Variants in NKD1 observed in about 807,000 individuals in gnomAD.
NKD1 encodes the protein NKD inhibitor of Wnt signaling pathway 1.
Under a neutral mutation model 56.0 loss-of-function variants are expected in NKD1, and 21 were observed. The observed-to-expected ratio is 0.38, with a 90% confidence interval of 0.27 to 0.54. The LOEUF (loss-of-function observed/expected upper bound fraction) is 0.54. NKD1 is among the 20% of genes least tolerant of loss of function. NKD1 has a pLI of 0.82. For missense variants in NKD1, 578 were observed against 642.7 expected (o/e 0.90, Z 1.09); for synonymous variants, 263 against 265.7 (o/e 0.99, Z 0.10).
chr16:50,569,621 A>G (rs899251866), intron 3 of NKD1, among the ~76,000 whole-genome samples: 2 of 152,228 alleles, frequency 1.3e-5, no homozygotes, highest in Admixed American at 1.3e-4. Flanking sequence ...AATAGAACCC[A>G]TATCCCAGGA....
chr16:50,562,983 A>ACCCC (rs1483596865), intron 3 of NKD1, among the ~76,000 whole-genome samples: 4,850 of 53,278 alleles, frequency 0.091, 144 homozygotes, highest in Admixed American at 0.12. Flanking sequence ...AGGTCCCACC[A>ACCCC]CCACCCCCCC....
At chr16:50,583,661 G>A (rs889490883) in intron 3 of NKD1, among the ~76,000 whole-genome samples, 10 of 152,204 alleles carry the variant, frequency 6.6e-5, no homozygotes, top group Non-Finnish European at 1.2e-4. Context: ...ACACAGAGGT[G>A]TAGCTTCATG....
chr16:50,572,751 C>T (rs530315034), intron 3 of NKD1, among the ~76,000 whole-genome samples: 2 of 152,252 alleles, frequency 1.3e-5, no homozygotes, highest in East Asian at 1.9e-4. Flanking sequence ...GGGTGCAGCA[C>T]GGTGTCCGGG....
rs113781207 is a variant in NKD1 at position 50,630,930 on chromosome 16, A to G, written c.695+20A>G. ...GCTCAGGTATGTGGGCATGGTGCAC[A>G]TGAGCATATGTTGAGCACCAGCTGT... is the stretch of plus-strand genomic sequence containing the variant. On this transcript the variant is annotated intron_variant, in intron 8 of 9. Transcript: ENST00000268459. 7 of 1,554,196 alleles carry G rather than the reference A, an allele frequency of 4.5e-6. No individual in the cohort carries two copies. Among genetic ancestry groups the G allele is most frequent in the East Asian group, 2.4e-5 (1 of 42,250 alleles).
At chr16:50,601,357 G>T (rs1421677688) in intron 3 of NKD1, among the ~76,000 whole-genome samples, 5 of 152,098 alleles carry the variant, frequency 3.3e-5, no homozygotes, top group Admixed American at 1.3e-4. Context: ...CCGTTTAGTG[G>T]CTTCTGTGAC....
chr16:50,558,193 C>T (rs1754684916), intron 3 of NKD1: 1 of 152,210 alleles, frequency 6.6e-6, no homozygotes, highest in Non-Finnish European at 1.5e-5. Context: ...TTAGAAAACA[C>T]CTTCTTTGGG....
At chr16:50,617,346 G>A (rs192800759) in intron 4 of NKD1, among the ~76,000 whole-genome samples, 13 of 148,322 alleles carry the variant, frequency 8.8e-5, no homozygotes, top group East Asian at 1.9e-4. Flanking sequence ...TGATCTCAGC[G>A]GAGGAAAAAA....
Position 50,633,615 on chromosome 16 carries a change from T to C in NKD1, c.1247T>C (p.Leu416Pro). 3 of 1,610,252 alleles carry C rather than the reference T, an allele frequency of 1.9e-6. No homozygotes were observed. Among genetic ancestry groups the C allele is most frequent in the Non-Finnish European group, 2.5e-6 (3 of 1,178,948 alleles). ...AKESQQGCRG[L>P]QAPLASGGPV... The stretch of plus-strand genomic sequence containing the variant: ...GAGAGCCAGCAGGGCTGCCGGGGCC[T>C]GCAGGCACCACTGGCCTCAGGTGGC... The change falls in exon 10 of 10, where the codon CTG (leucine) becomes CCG (proline). Residue 416 changes from leucine (L) to proline (P), a missense_variant. Transcript: ENST00000268459. The surrounding 1 kb of genome is among the most constrained non-coding windows in gnomAD (Gnocchi z 4.9).
intron 3 of NKD1, chr16:50,607,317 GT>G (rs201899085): frequency 1.5e-4 from 29 of 198,518 alleles, no homozygotes; most frequent in Middle Eastern, 2.1e-3. Flanking sequence ...AAGAGGACTG[GT>G]TTTTTTTTAA....
At position 50,579,720 on chromosome 16, in the gene NKD1, C is replaced by T. The variant is rs538610904; in HGVS notation, c.193-28574C>T. ...ACTCCTGCGGGCTACCCGCTACACA[C>T]GCACTCTAACCCGCCACGCATGCAC... On this transcript the variant is annotated intron_variant, in intron 3 of 9. Transcript: ENST00000268459. Among the ~76,000 whole-genome samples the T allele has an allele frequency of 3.3e-5, 5 of 149,468 alleles. No homozygotes were observed. In the East Asian group the frequency reaches 6.1e-4, roughly 18 times the overall value.
chr16:50,589,479 G>A (rs970001204), intron 3 of NKD1, among the ~76,000 whole-genome samples: 1 of 152,138 alleles, frequency 6.6e-6, no homozygotes, highest in African/African-American at 2.4e-5. Context: ...GAAGCTCTGG[G>A]CAGCTGGCAC....
intron 3 of NKD1, among the ~76,000 whole-genome samples, chr16:50,580,022 C>T (rs550578373): frequency 6.6e-5 from 10 of 151,792 alleles, no homozygotes; most frequent in Non-Finnish European, 1.0e-4. Flanking sequence ...CTCTCAGTCC[C>T]ACAGGCTACC....
At chr16:50,563,009 G>C (rs1042704612) in intron 3 of NKD1, among the ~76,000 whole-genome samples, 4 of 104,122 alleles carry the variant, frequency 3.8e-5, no homozygotes, top group African/African-American at 2.0e-4. Flanking sequence ...GCCGTAGAAT[G>C]GGTAGAAGAA....
chr16:50,548,672 C>T (rs1263916843), intron 1 of NKD1, 45 bp from the exon 2 acceptor site: 27 of 1,463,952 alleles, frequency 1.8e-5, no homozygotes, highest in Admixed American at 2.6e-5. Flanking sequence ...CTTCTCCCGC[C>T]GCCGCGGCTG....
chr16:50,556,963 T>G (rs1960518058), intron 3 of NKD1: 1 of 152,160 alleles, frequency 6.6e-6, no homozygotes, highest in Admixed American at 6.5e-5. Flanking sequence ...GAGTTTCGTG[T>G]GCAGGTTATT....
rs764838328 is a variant in NKD1, at chr16:50,630,168, C to T, written c.463-18C>T. On this transcript the variant is annotated intron_variant, in intron 6 of 9. Coordinates refer to ENST00000268459, the MANE Select transcript of NKD1 (RefSeq NM_033119.5). Reference sequence around the variant, plus strand: ...GTGACTGAAACCCTGCATGGGTCTCCGCTTCCCTCCCATTCAGGACATCAC... The same window carrying T: ...GTGACTGAAACCCTGCATGGGTCTCTGCTTCCCTCCCATTCAGGACATCAC... 4.4e-5 allele frequency: 71 copies of T among 1,612,424 alleles called. No individual in the cohort carries two copies. Among genetic ancestry groups the T allele is most frequent in the East Asian group, 6.7e-5 (3 of 44,860 alleles).
chr16:50,605,442 G>A (rs911050034), intron 3 of NKD1, among the ~76,000 whole-genome samples: 1 of 152,146 alleles, frequency 6.6e-6, no homozygotes, highest in Non-Finnish European at 1.5e-5. Flanking sequence ...TGATTCAGGG[G>A]GCTAATAAAT....
chr16:50,619,721 CT>C (rs1162417199), intron 4 of NKD1, among the ~76,000 whole-genome samples: 2 of 152,294 alleles, frequency 1.3e-5, no homozygotes, highest in African/African-American at 4.8e-5. Context: ...TAAGAATCCT[CT>C]GGGGAAGGGG....
Position 50,633,697 on chromosome 16 carries a change from C to T in NKD1, c.1329C>T (p.Ser443=). 1 of 1,593,770 alleles carries T rather than the reference C, an allele frequency of 6.3e-7. No individual in the cohort carries two copies. The highest frequency in any genetic ancestry group is 8.5e-7 in the Non-Finnish European group (1 of 1,170,608). The change falls in exon 10 of 10, where the codon AGC becomes AGT. Residue 443 remains serine, a synonymous_variant. Transcript: ENST00000268459. The surrounding 1 kb of genome is among the most constrained non-coding windows in gnomAD (Gnocchi z 4.9). ...RELPALVVYE[S]QAGQPVQRHE... ...TGCCCGCCTTGGTGGTGTATGAGAGCCAGGCCGGGCAGCCGGTCCAGAGAC... is the reference window on the plus strand; with the variant it reads ...TGCCCGCCTTGGTGGTGTATGAGAGTCAGGCCGGGCAGCCGGTCCAGAGAC...
Sources: gnomAD v4.1 joint callset for allele counts (sites outside exome capture counted in the v4.1 genomes callset) on GRCh38, gnomAD v4.1.1 for gene constraint, Gnocchi (gnomAD v3.1) non-coding constraint, MANE v1.5 for transcripts, NCBI Gene and HGNC (gene_info 2026-07-23, HGNC 2026-07-21) for gene names.